The following OSBPL6 variants were observed in gnomAD, a reference collection of about 807,000 sequenced individuals.
The protein encoded by OSBPL6 is oxysterol binding protein like 6.
OSBPL6 carries 49 observed loss-of-function variants against 125.8 expected under a neutral mutation model. The observed-to-expected ratio is 0.39, with a 90% CI of 0.31 to 0.49. OSBPL6 has a LOEUF of 0.49. Ranked by LOEUF, OSBPL6 falls within the 20% of genes least tolerant of loss-of-function variation. The pLI is 0.88. For missense variants in OSBPL6, 986 were observed against 1,135.4 expected, an observed-to-expected ratio of 0.87 and a Z score of 1.89; for synonymous variants, 394 against 391.8, an observed-to-expected ratio of 1.01 and a Z score of -0.07.
At chr2:178,308,699 G>A (rs577604817) in intron 3 of OSBPL6, among the ~76,000 whole-genome samples, 2 of 151,960 alleles carry the variant, frequency 1.3e-5, no homozygotes, top group Non-Finnish European at 2.9e-5. Context: ...AGAGATCCAG[G>A]GTCAATGTCT....
intron 1 of OSBPL6, among the ~76,000 whole-genome samples, chr2:178,237,135 C>T (rs1340604462): frequency 2.0e-5 from 3 of 152,152 alleles, no homozygotes; most frequent in African/African-American, 7.2e-5. Context: ...TTTATTCCCC[C>T]TGCTGCTGGG....
At chr2:178,216,532 A>G (rs334025) in intron 1 of OSBPL6, among the ~76,000 whole-genome samples, 29,973 of 152,104 alleles carry the variant, frequency 0.2, 3,984 homozygotes, top group African/African-American at 0.38. Flanking sequence ...TTATTGGTTG[A>G]GAATGCTGAC....
At chr2:178,265,191 C>CTTTTTTTTTTTTTT (rs376718500) in intron 1 of OSBPL6, among the ~76,000 whole-genome samples, 1 of 33,732 alleles carries the variant, frequency 3.0e-5, no homozygotes, top group Non-Finnish European at 6.6e-5. Context: ...CCAGACGAGA[C>CTTTTTTTTTTTTTT]TTTTTTTTTT....
intron 2 of OSBPL6, among the ~76,000 whole-genome samples, chr2:178,290,390 A>C (rs979973124): frequency 6.6e-6 from 1 of 151,220 alleles, no homozygotes; most frequent in Non-Finnish European, 1.5e-5. Flanking sequence ...ATTTAAAAAA[A>C]TATTTGTTAT....
chr2:178,339,877 C>T, intron 11 of OSBPL6, 113 bp downstream of exon 11: 1 of 591,642 alleles, frequency 1.7e-6, no homozygotes, highest in Non-Finnish European at 2.7e-6. Flanking sequence ...GCTTTAAAGC[C>T]AGCACTTTTC....
chr2:178,388,905 T>A (rs1168296327), intron 20 of OSBPL6, 104 bp from the exon 21 acceptor site: 6 of 1,176,270 alleles, frequency 5.1e-6, no homozygotes, highest in East Asian at 2.5e-5. Flanking sequence ...GGGAGGAGAA[T>A]GAGGGAAAAG....
chr2:178,383,917 T>C, intron 17 of OSBPL6, 122 bp from the exon 18 acceptor site: 2 of 1,159,416 alleles, frequency 1.7e-6, no homozygotes, highest in Non-Finnish European at 2.4e-6. Context: ...CAATAGAAAA[T>C]GCAACTGTCA....
At chr2:178,377,421 A>G (rs1214941077) in intron 15 of OSBPL6, among the ~76,000 whole-genome samples, 1 of 152,120 alleles carries the variant, frequency 6.6e-6, no homozygotes, top group Admixed American at 6.5e-5. Flanking sequence ...ATCACCTCCC[A>G]CCAGGCCCCA....
chr2:178,402,200 C>T lies in OSBPL6; in HGVS notation c.*6641C>T, dbSNP rs955546403. On this transcript the variant is annotated 3_prime_UTR_variant, in exon 25 of 25. Transcript: ENST00000190611. Reference sequence around the variant, plus strand: ...TTTGTCATTTTCTTGACTTCTGTCCCAACGCCAGCCCTGTAATATGGAGAT... The same window carrying T: ...TTTGTCATTTTCTTGACTTCTGTCCTAACGCCAGCCCTGTAATATGGAGAT... 3 of 152,172 alleles carry T rather than the reference C, an allele frequency of 2.0e-5. No individual in the cohort carries two copies. Among genetic ancestry groups the T allele is most frequent in the African/African-American group, 7.2e-5 (3 of 41,436 alleles). The allele number at this position is 152,172 out of a possible 1,614,324, so 9.4% of individuals were successfully genotyped here. A position where few individuals can be genotyped will look rare whatever the true frequency, so the allele number is the denominator to read the frequency against.
chr2:178,297,965 C>A (rs1470036056), intron 2 of OSBPL6, among the ~76,000 whole-genome samples: 2 of 152,170 alleles, frequency 1.3e-5, no homozygotes, highest in African/African-American at 4.8e-5. Flanking sequence ...ATTTCCAGAA[C>A]CTTTCCATCT....
intron 1 of OSBPL6, among the ~76,000 whole-genome samples, chr2:178,209,706 C>T (rs1200164199): frequency 6.6e-6 from 1 of 151,826 alleles, no homozygotes; most frequent in Non-Finnish European, 1.5e-5. Context: ...TCAAGTGGGT[C>T]TTTTAAACTG....
In OSBPL6 at chr2:178,382,809, G is replaced by T. The variant is rs566670915; in HGVS notation, c.1622-215G>T. ...GCCTGTCTTGTCTTGAATGATATTT[G>T]AGTGTATCTAATGCCTTATTTATAA... On this transcript the variant is annotated intron_variant, in intron 16 of 24. Coordinates refer to ENST00000190611, the MANE Select transcript of OSBPL6 (RefSeq NM_032523.4). The T allele has an allele frequency of 3.2e-5, 45 of 1,402,394 alleles. No homozygotes were observed. In the Middle Eastern group the frequency reaches 1.6e-3, roughly 48 times the overall value. The allele number at this position is 1,402,394 out of a possible 1,614,324, so 86.9% of individuals were successfully genotyped here.
At chr2:178,202,854 CT>C (rs1266861023) in intron 1 of OSBPL6, among the ~76,000 whole-genome samples, 1 of 149,504 alleles carries the variant, frequency 6.7e-6, no homozygotes, top group Non-Finnish European at 1.5e-5. Flanking sequence ...GAAAAAGATT[CT>C]TTTTATCATT....
At chr2:178,305,706 C>T (rs532035296) in intron 2 of OSBPL6, among the ~76,000 whole-genome samples, 13 of 152,256 alleles carry the variant, frequency 8.5e-5, no homozygotes, top group South Asian at 2.1e-4. Context: ...GGAGAGATTA[C>T]GTTTCCGGAG....
chr2:178,214,221 A>C (rs946212923), intron 1 of OSBPL6, among the ~76,000 whole-genome samples: 4 of 152,150 alleles, frequency 2.6e-5, no homozygotes, highest in African/African-American at 9.7e-5. Context: ...CTTATGTTTG[A>C]ATATGGGGTA....
intron 15 of OSBPL6, among the ~76,000 whole-genome samples, chr2:178,376,622 C>T (rs1299985301): frequency 1.3e-5 from 2 of 152,150 alleles, no homozygotes; most frequent in Non-Finnish European, 2.9e-5. Flanking sequence ...TTCCTAAGGA[C>T]ACTGTATCCA....
chr2:178,213,100 C>A (rs373463051), intron 1 of OSBPL6, among the ~76,000 whole-genome samples: 5 of 152,156 alleles, frequency 3.3e-5, no homozygotes, highest in African/African-American at 1.2e-4. Flanking sequence ...AGCCAACACG[C>A]CCGGCCGAGC....
At chr2:178,288,580 G>GA (rs915194282) in intron 2 of OSBPL6, among the ~76,000 whole-genome samples, 2 of 150,102 alleles carry the variant, frequency 1.3e-5, no homozygotes, top group African/African-American at 2.4e-5. Context: ...CTAAGTGGGG[G>GA]AAAAAAAGGA....
intron 1 of OSBPL6, among the ~76,000 whole-genome samples, chr2:178,271,616 A>T (rs2092376439): frequency 6.6e-6 from 1 of 152,208 alleles, no homozygotes; most frequent in Non-Finnish European, 1.5e-5. Context: ...TGTATAATTT[A>T]TGGCAGTGCT....
Sources: gnomAD v4.1 joint callset for allele counts (sites outside exome capture counted in the v4.1 genomes callset) on GRCh38, gnomAD v4.1.1 for gene constraint, MANE v1.5 for transcripts, NCBI Gene and HGNC (gene_info 2026-07-23, HGNC 2026-07-21) for gene names.